The following ZSWIM6 variants were observed in gnomAD, a reference collection of about 807,000 sequenced individuals.
ZSWIM6 encodes zinc finger SWIM domain-containing protein 6.
A neutral mutation model predicts 113.2 loss-of-function variants in ZSWIM6; 9 were observed. The observed-to-expected ratio is 0.08, with a 90% CI of 0.05 to 0.14. The LOEUF (loss-of-function observed/expected upper bound fraction) is 0.14, where lower values mean the gene tolerates loss of function less well. Among genes scored for constraint, ZSWIM6 ranks in the 10% least tolerant of loss-of-function variants. ZSWIM6 has a pLI of 1.00. For missense variants in ZSWIM6, 1,162 were observed against 1,552.2 expected (o/e 0.75, Z 4.22); for synonymous variants, 611 against 606.5 (o/e 1.01, Z -0.11).
chr5:61,422,825 A>T (rs1471837070), intron 1 of ZSWIM6, among the ~76,000 whole-genome samples: 2 of 152,002 alleles, frequency 1.3e-5, no homozygotes, highest in Non-Finnish European at 2.9e-5. Context: ...AGCTATTGTA[A>T]ATAAGATTAC....
At chr5:61,519,503 A>G (rs1231776632) in intron 4 of ZSWIM6, among the ~76,000 whole-genome samples, 4 of 152,070 alleles carry the variant, frequency 2.6e-5, no homozygotes, top group African/African-American at 9.7e-5. Flanking sequence ...TTCTCTCTCC[A>G]ATCTGCTTGC....
At chr5:61,411,488 CT>C (rs1746147164) in intron 1 of ZSWIM6, among the ~76,000 whole-genome samples, 1 of 152,200 alleles carries the variant, frequency 6.6e-6, no homozygotes, top group African/African-American at 2.4e-5. Context: ...TCAACCTTGT[CT>C]TTAATAAGAA....
intron 1 of ZSWIM6, among the ~76,000 whole-genome samples, chr5:61,362,814 G>A (rs1745058103): frequency 6.6e-6 from 1 of 152,112 alleles, no homozygotes; most frequent in South Asian, 2.1e-4. Flanking sequence ...GGTCTGGCAG[G>A]CATTTCAAGC....
intron 1 of ZSWIM6, chr5:61,347,282 C>G (rs1744677916): frequency 5.6e-6 from 1 of 178,368 alleles, no homozygotes; most frequent in East Asian, 1.5e-4. Flanking sequence ...ATGGTGGCAT[C>G]ACCATTGGCT....
chr5:61,493,198 G>C (rs1252221314), intron 3 of ZSWIM6, among the ~76,000 whole-genome samples: 1 of 152,050 alleles, frequency 6.6e-6, no homozygotes, highest in Non-Finnish European at 1.5e-5. Context: ...CACCCATATA[G>C]AGCAGGAGAG....
At chr5:61,334,066 A>G (rs867149160) in intron 1 of ZSWIM6, among the ~76,000 whole-genome samples, 1 of 152,228 alleles carries the variant, frequency 6.6e-6, no homozygotes, top group Non-Finnish European at 1.5e-5. Flanking sequence ...AACCAAACAA[A>G]AGAGTCTCTT....
intron 1 of ZSWIM6, among the ~76,000 whole-genome samples, chr5:61,418,979 G>C (rs1189571371): frequency 1.3e-5 from 2 of 152,190 alleles, no homozygotes; most frequent in Non-Finnish European, 2.9e-5. Flanking sequence ...GCGCCGCCAT[G>C]CCTGGCTAAT....
intron 1 of ZSWIM6, among the ~76,000 whole-genome samples, chr5:61,465,785 G>A (rs1747420858): frequency 6.6e-6 from 1 of 152,200 alleles, no homozygotes; most frequent in Non-Finnish European, 1.5e-5. Context: ...TTAATGAAGT[G>A]TAGGAGTGAT....
At position 61,374,148 on chromosome 5, in the gene ZSWIM6, T is replaced by A. The variant is rs557045906; in HGVS notation, c.676+41200T>A. The stretch of plus-strand genomic sequence containing the variant: ...TTGGAATGTCCTTTGAATGGAAAAT[T>A]AGAAAACAGTCCATAAAATAAACCA... On this transcript the variant is annotated intron_variant, in intron 1 of 13. Transcript: ENST00000252744. Among the ~76,000 whole-genome samples the A allele has an allele frequency of 4.6e-5, 7 of 152,294 alleles. No individual in the cohort carries two copies. The South Asian group carries it at 1.4e-3, about 32-fold the overall frequency.
intron 1 of ZSWIM6, among the ~76,000 whole-genome samples, chr5:61,337,281 C>CA (rs945048073): frequency 6.8e-6 from 1 of 147,522 alleles, no homozygotes; most frequent in African/African-American, 2.5e-5. Context: ...TCCGTCTCCC[C>CA]CCCCAAAAAA....
Position 61,472,689 on chromosome 5 carries a change from T to C in ZSWIM6, c.685T>C (p.Leu229=), listed in dbSNP as rs1190844408. 1 of 1,522,788 alleles carries C rather than the reference T, an allele frequency of 6.6e-7. No homozygotes were observed. The highest frequency in any genetic ancestry group is 1.4e-5 in the African/African-American group (1 of 72,490). The allele number at this position is 1,522,788 out of a possible 1,614,324, so 94.3% of individuals were successfully genotyped here. Residue 229 remains leucine, a synonymous_variant, in exon 2 of 14, where the codon TTG becomes CTG. Transcript: ENST00000252744. This position sits in a 1 kb window ranked among gnomAD's most constrained non-coding sequence, Gnocchi z 4.1. The part of the protein sequence containing the change: ...VDNVLQVGFH[L]SGTVTEPAIQ... ...TTTCTTTCACCCTCAAGGTTTCCACTTGAGCGGCACAGTGACAGAACCTGC... is the reference window on the plus strand; with the variant it reads ...TTTCTTTCACCCTCAAGGTTTCCACCTGAGCGGCACAGTGACAGAACCTGC...
chr5:61,374,984 A>G (rs1745340877), intron 1 of ZSWIM6: 4 of 927,916 alleles, frequency 4.3e-6, no homozygotes, highest in East Asian at 2.6e-5. Context: ...AGAAATGAGC[A>G]TACAATAATA....
At chr5:61,400,191 C>T (rs552062688) in intron 1 of ZSWIM6, among the ~76,000 whole-genome samples, 1 of 152,150 alleles carries the variant, frequency 6.6e-6, no homozygotes, top group South Asian at 2.1e-4. Context: ...TGTATGCATT[C>T]CTTGCCCTCC....
At chr5:61,452,643 C>T (rs1430494743) in intron 1 of ZSWIM6, among the ~76,000 whole-genome samples, 1 of 152,082 alleles carries the variant, frequency 6.6e-6, no homozygotes, top group East Asian at 1.9e-4. Context: ...ACAGAGAGTT[C>T]CCATATACTC....
At chr5:61,492,518 G>T (rs1422457110) in intron 3 of ZSWIM6, among the ~76,000 whole-genome samples, 1 of 151,820 alleles carries the variant, frequency 6.6e-6, no homozygotes, top group African/African-American at 2.4e-5. Context: ...CATAAAATGG[G>T]GATTATAATC....
chr5:61,488,093 G>A (rs1748070341), intron 2 of ZSWIM6, among the ~76,000 whole-genome samples: 2 of 151,930 alleles, frequency 1.3e-5, no homozygotes, highest in Non-Finnish European at 2.9e-5. Context: ...AAGAGATGCT[G>A]AATTTTACAA....
intron 9 of ZSWIM6, among the ~76,000 whole-genome samples, chr5:61,535,103 GTGTC>G (rs1749541491): frequency 6.6e-6 from 1 of 152,082 alleles, no homozygotes; most frequent in African/African-American, 2.4e-5. Context: ...TTAAGCTGTG[GTGTC>G]ATCTGTGCAT....
At chr5:61,533,217 A>G (rs1749488310) in intron 9 of ZSWIM6, among the ~76,000 whole-genome samples, 1 of 152,264 alleles carries the variant, frequency 6.6e-6, no homozygotes, top group Admixed American at 6.5e-5. Context: ...GAATAGGTGC[A>G]GGACAGGAGG....
At chr5:61,485,057 A>G (rs916173642) in intron 2 of ZSWIM6, among the ~76,000 whole-genome samples, 10 of 152,000 alleles carry the variant, frequency 6.6e-5, no homozygotes, top group African/African-American at 2.2e-4. Flanking sequence ...TCCAGGGGGG[A>G]AAATGTATAT....
Sources: gnomAD v4.1 joint callset for allele counts (sites outside exome capture counted in the v4.1 genomes callset) on GRCh38, gnomAD v4.1.1 for gene constraint, Gnocchi (gnomAD v3.1) non-coding constraint, MANE v1.5 for transcripts, NCBI Gene and HGNC (gene_info 2026-07-23, HGNC 2026-07-21) for gene names.